USH2A: variants seen among roughly 807,000 people sequenced by gnomAD.
USH2A encodes Usher syndrome 2A (autosomal recessive, mild).
USH2A carries 443 observed loss-of-function variants against 538.9 expected under a neutral mutation model. The ratio of observed to expected loss-of-function variants is 0.82; its 90% CI spans 0.76 to 0.89. The LOEUF is 0.89. Ranked by LOEUF, USH2A falls within the 40% of genes least tolerant of loss-of-function variation. USH2A has a pLI of 0.00. For missense variants in USH2A, 6,633 were observed against 6,324.8 expected (o/e 1.05, Z -1.65); for synonymous variants, 2,413 against 2,273.5 (o/e 1.06, Z -1.75).
chr1:215,888,493 G>T lies in USH2A; in HGVS notation c.8156C>A (p.Thr2719Lys), dbSNP rs764578354. The change falls in exon 41 of 72, where the codon ACA becomes AAA. Residue 2719 changes from threonine to lysine, a missense_variant. Thr to Lys is a moderately conservative substitution (Grantham distance 78). Transcript: ENST00000307340. ...CACCCCAGCAGGTCGTGAGGGTCTT[G>T]TGGTAACTTCTACCCAAGCACTGCT... ...TNSSAWVEVT[T>K]RPSRPAGVQP... 2 of 1,614,138 alleles carry T rather than the reference G, an allele frequency of 1.2e-6. No individual in the cohort carries two copies. Among genetic ancestry groups the T allele is most frequent in the Non-Finnish European group, 1.7e-6 (2 of 1,180,024 alleles).
At chr1:215,844,580 T>G (rs1283341810) in intron 45 of USH2A, 84 bp from the exon 46 acceptor site, 3 of 1,433,028 alleles carry the variant, frequency 2.1e-6, no homozygotes, top group Non-Finnish European at 2.9e-6. Flanking sequence ...AGTATTTAGG[T>G]TTAGCAAAGG....
intron 38 of USH2A, among the ~76,000 whole-genome samples, chr1:215,901,711 A>G (rs763767874): frequency 2.0e-5 from 3 of 152,182 alleles, no homozygotes; most frequent in Admixed American, 6.6e-5. Context: ...GTGTAAAACT[A>G]AAGCCTATTC....
At chr1:216,112,103 G>A (rs1374748795) in intron 21 of USH2A, among the ~76,000 whole-genome samples, 1 of 151,878 alleles carries the variant, frequency 6.6e-6, no homozygotes, top group Non-Finnish European at 1.5e-5. Context: ...ATAAATACAT[G>A]AATAACAAAA....
intron 4 of USH2A, among the ~76,000 whole-genome samples, chr1:216,358,658 T>A (rs1474284272): frequency 6.6e-6 from 1 of 152,110 alleles, no homozygotes; most frequent in African/African-American, 2.4e-5. Flanking sequence ...CGACTGTACA[T>A]ATAAATTGAT....
In USH2A at chr1:216,352,528, G is replaced by A. The variant is rs560681032; in HGVS notation, c.784+12425C>T. ...GACTGTAGATGGTGGAATTTGAAAA[G>A]AGGAATTAAAGGCTCCTATGGTTGA... On this transcript the variant is annotated intron_variant, in intron 4 of 71. Transcript: ENST00000307340. Among the ~76,000 whole-genome samples, 9 of 152,256 alleles carry A rather than the reference G, an allele frequency of 5.9e-5. No homozygotes were observed. The South Asian group carries it at 1.7e-3, about 28-fold the overall frequency.
At chr1:216,412,746 TA>T (rs2039510654) in intron 3 of USH2A, among the ~76,000 whole-genome samples, 1 of 151,852 alleles carries the variant, frequency 6.6e-6, no homozygotes, top group South Asian at 2.1e-4. Flanking sequence ...TAAAAACTAT[TA>T]TTTAGATCTG....
intron 37 of USH2A, among the ~76,000 whole-genome samples, chr1:215,940,956 C>T (rs1046830944): frequency 2.9e-4 from 44 of 150,522 alleles, no homozygotes; most frequent in African/African-American, 1.0e-3. Context: ...TATCGAGAAT[C>T]TTTATGTTTT....
At chr1:215,918,067 C>A (rs566639741) in intron 38 of USH2A, among the ~76,000 whole-genome samples, 9 of 152,042 alleles carry the variant, frequency 5.9e-5, no homozygotes, top group African/African-American at 2.2e-4. Flanking sequence ...TTCTAAGATA[C>A]AATCAAATAC....
chr1:215,775,180 A>T (rs148446698), intron 55 of USH2A, among the ~76,000 whole-genome samples: 2 of 152,252 alleles, frequency 1.3e-5, no homozygotes, highest in African/African-American at 4.8e-5. Context: ...AGACTGCTGG[A>T]GATCAGGGTT....
At chr1:215,665,085 G>A (rs1341904592) in intron 64 of USH2A, among the ~76,000 whole-genome samples, 2 of 152,164 alleles carry the variant, frequency 1.3e-5, no homozygotes, top group African/African-American at 4.8e-5. Context: ...GCCTATGGTG[G>A]GGGCTGGTGC....
intron 60 of USH2A, 127 bp from the exon 61 acceptor site, chr1:215,728,511 T>C: frequency 1.1e-6 from 1 of 948,808 alleles, no homozygotes; most frequent in Admixed American, 2.1e-5. Flanking sequence ...CTTCCTGGTG[T>C]CATAGTAAAG....
At position 216,217,395 on chromosome 1, in the gene USH2A, C is replaced by T. The variant is rs1475306303; in HGVS notation, c.3149G>A (p.Cys1050Tyr). 3.1e-6 allele frequency: 5 copies of T among 1,612,982 alleles called. No individual in the cohort carries two copies. Among genetic ancestry groups the T allele is most frequent in the Non-Finnish European group, 4.2e-6 (5 of 1,179,268 alleles). Residue 1050 changes from cysteine (C) to tyrosine (Y), a missense_variant, in exon 15 of 72, where the codon TGC becomes TAC. Coordinates refer to ENST00000307340, the MANE Select transcript of USH2A (RefSeq NM_206933.4). ...AACCAGAGTTCACTTACTTTTGCTG[C>T]AACCCAATAGATTGTTGACATCCAA... is the stretch of plus-strand genomic sequence containing the variant. ...SHLDVNNLLGCSKTPFQQPPP... is the reference protein window; with the variant it reads ...SHLDVNNLLGYSKTPFQQPPP...
intron 9 of USH2A, among the ~76,000 whole-genome samples, chr1:216,302,181 T>A (rs78454721): frequency 6.6e-6 from 1 of 152,202 alleles, no homozygotes; most frequent in East Asian, 1.9e-4. Context: ...ACATAGAGAA[T>A]CTAGACAGAA....
At chr1:216,020,789 C>T (rs1034158133) in intron 32 of USH2A, among the ~76,000 whole-genome samples, 1 of 152,130 alleles carries the variant, frequency 6.6e-6, no homozygotes, top group Non-Finnish European at 1.5e-5. Flanking sequence ...CATGAAACCT[C>T]CTAAAAGCCC....
chr1:215,681,662 T>G (rs1035782341), intron 61 of USH2A, among the ~76,000 whole-genome samples: 3 of 152,196 alleles, frequency 2.0e-5, no homozygotes, highest in African/African-American at 7.2e-5. Context: ...CAGAATTGTT[T>G]TCCAAACAAA....
At chr1:215,740,240 A>G (rs1203774182) in intron 60 of USH2A, among the ~76,000 whole-genome samples, 1 of 151,478 alleles carries the variant, frequency 6.6e-6, no homozygotes, top group Non-Finnish European at 1.5e-5. Context: ...CTCATTCATT[A>G]TTTATTTAAA....
At chr1:216,012,744 T>C (rs1668607090) in intron 32 of USH2A, among the ~76,000 whole-genome samples, 1 of 152,190 alleles carries the variant, frequency 6.6e-6, no homozygotes, top group East Asian at 1.9e-4. Flanking sequence ...ACAATACTTT[T>C]ACCACTTTCC....
chr1:216,264,660 T>C (rs2036438472), intron 11 of USH2A, among the ~76,000 whole-genome samples: 1 of 152,094 alleles, frequency 6.6e-6, no homozygotes, highest in Non-Finnish European at 1.5e-5. Flanking sequence ...GATATCATAC[T>C]ACTTAACTGC....
In USH2A at chr1:216,332,062, C is replaced by T. The variant is rs12039789; in HGVS notation, c.785-4408G>A. 6.7e-3 allele frequency among the ~76,000 whole-genome samples: 1,026 copies of T among 152,206 alleles called. 5 individuals are homozygous for T. Among genetic ancestry groups the T allele is most frequent in the East Asian group, 0.036 (186 of 5,166 alleles). ...TTCCTATTCCCGTACTCCTCTCTGC[C>T]ACTCTCTGGAAGCCCTGAAAATGAA... On this transcript the variant is annotated intron_variant, in intron 4 of 71. Coordinates refer to ENST00000307340, the MANE Select transcript of USH2A (RefSeq NM_206933.4).
Sources: allele counts gnomAD v4.1 joint callset (sites outside exome capture counted in the v4.1 genomes callset), GRCh38; gene constraint gnomAD v4.1.1; transcripts MANE v1.5; gene names NCBI Gene and HGNC (gene_info 2026-07-23, HGNC 2026-07-21).